Variants in NTM observed in about 807,000 individuals in gnomAD.
NTM encodes neurotrimin, also known as IgLON family member 2.
In NTM, 13 loss-of-function variants were observed where a neutral mutation model predicts 42.1. The ratio of observed to expected loss-of-function variants is 0.31; its 90% confidence interval spans 0.20 to 0.49. NTM has a LOEUF of 0.49. Ranked by LOEUF, NTM falls within the 20% of genes least tolerant of loss-of-function variation. The pLI is 0.99. For synonymous variants in NTM, 187 were observed against 179.2 expected (o/e 1.04, Z -0.35); for missense variants, 373 against 452.8 (o/e 0.82, Z 1.60).
intron 1 of NTM, among the ~76,000 whole-genome samples, chr11:131,655,291 C>T (rs548210863): frequency 3.5e-4 from 54 of 152,214 alleles, no homozygotes; most frequent in African/African-American, 1.2e-3. Context: ...AAAACAGAGG[C>T]TCCCATCCTT....
intron 3 of NTM, among the ~76,000 whole-genome samples, chr11:132,164,016 C>A (rs542172667): frequency 4.6e-5 from 7 of 152,120 alleles, no homozygotes; most frequent in African/African-American, 1.7e-4. Context: ...AAGGTCATGC[C>A]GCTGGTTAAG....
At chr11:131,884,247 T>C (rs1365637239) in intron 1 of NTM, among the ~76,000 whole-genome samples, 1 of 151,748 alleles carries the variant, frequency 6.6e-6, no homozygotes, top group Non-Finnish European at 1.5e-5. Context: ...CTATCTCTAC[T>C]AAAAATACAA....
At chr11:132,050,182 G>T (rs1208714015) in intron 2 of NTM, among the ~76,000 whole-genome samples, 3 of 152,156 alleles carry the variant, frequency 2.0e-5, no homozygotes, top group Non-Finnish European at 4.4e-5. Flanking sequence ...TAGGAGGGAT[G>T]AGCTTCTCTT....
chr11:132,264,510 A>C (rs1169659377), intron 4 of NTM, among the ~76,000 whole-genome samples: 1 of 152,178 alleles, frequency 6.6e-6, no homozygotes, highest in Non-Finnish European at 1.5e-5. Context: ...TTAGATTTGC[A>C]TGTAATAAAA....
chr11:131,689,937 A>G (rs1005921852), intron 1 of NTM, among the ~76,000 whole-genome samples: 8 of 152,320 alleles, frequency 5.3e-5, no homozygotes, highest in African/African-American at 1.4e-4. Context: ...CCTCGTCCAC[A>G]TATGATGAAA....
In NTM at chr11:132,294,595, A is replaced by C. The variant is rs369495265; in HGVS notation, c.527-13094A>C. Among the ~76,000 whole-genome samples the C allele has an allele frequency of 1.1e-4, 17 of 152,284 alleles. No individual in the cohort carries two copies. In the South Asian group the frequency reaches 3.5e-3, roughly 32 times the overall value. ...GTCTAGAGGAATGGGAATTAATGCAACTTACATCGAGCAGTTGAGGACAGG... is the reference window on the plus strand; with the variant it reads ...GTCTAGAGGAATGGGAATTAATGCACCTTACATCGAGCAGTTGAGGACAGG... On this transcript the variant is annotated intron_variant, in intron 4 of 8. Transcript: ENST00000683400.
At chr11:132,332,763 G>A (rs1371496209) in intron 8 of NTM, 1 of 152,218 alleles carries the variant, frequency 6.6e-6, no homozygotes, top group Non-Finnish European at 1.5e-5. Flanking sequence ...TCCCTTACAT[G>A]GTAACTACGC....
intron 3 of NTM, among the ~76,000 whole-genome samples, chr11:132,206,687 G>A (rs932822988): frequency 3.3e-5 from 5 of 152,146 alleles, no homozygotes; most frequent in African/African-American, 1.2e-4. Flanking sequence ...TCTTCAGTTT[G>A]TGGATTTCTG....
At chr11:132,285,397 A>G (rs2094188947) in intron 4 of NTM, among the ~76,000 whole-genome samples, 1 of 152,106 alleles carries the variant, frequency 6.6e-6, no homozygotes, top group Non-Finnish European at 1.5e-5. Flanking sequence ...CACATCTTGA[A>G]GAAGGAGGAA....
chr11:131,506,074 G>A (rs1032412276), intron 1 of NTM, among the ~76,000 whole-genome samples: 10 of 152,100 alleles, frequency 6.6e-5, no homozygotes, highest in African/African-American at 2.2e-4. Flanking sequence ...GGGGGAGAGA[G>A]AAGAGGATGT....
At chr11:131,658,534 T>C (rs2067507968) in intron 1 of NTM, among the ~76,000 whole-genome samples, 1 of 152,136 alleles carries the variant, frequency 6.6e-6, no homozygotes, top group Admixed American at 6.6e-5. Flanking sequence ...TCAAGAGTAA[T>C]AGAGGATGCA....
chr11:131,962,578 T>C (rs1050437699), intron 2 of NTM, among the ~76,000 whole-genome samples: 5 of 152,208 alleles, frequency 3.3e-5, no homozygotes, highest in African/African-American at 9.6e-5. Context: ...GGCATCTGGA[T>C]CTTGGACTTC....
intron 1 of NTM, among the ~76,000 whole-genome samples, chr11:131,807,616 C>T (rs368915157): frequency 7.9e-5 from 12 of 152,066 alleles, no homozygotes; most frequent in African/African-American, 1.7e-4. Context: ...AAGGGATGCC[C>T]GTCTCATAGA....
At chr11:131,522,652 G>T (rs78741290) in intron 1 of NTM, among the ~76,000 whole-genome samples, 2,117 of 152,330 alleles carry the variant, frequency 0.014, 47 homozygotes, top group African/African-American at 0.048. Flanking sequence ...GAAGAACTGG[G>T]ATTATTTAAC....
At chr11:131,774,172 G>C (rs2086594904) in intron 1 of NTM, 1 of 958,486 alleles carries the variant, frequency 1.0e-6, no homozygotes, top group African/African-American at 1.8e-5. Flanking sequence ...AGCTCTAAGA[G>C]ATTTTCTTTA....
intron 1 of NTM, among the ~76,000 whole-genome samples, chr11:131,852,962 C>T (rs1565631216): frequency 6.8e-6 from 1 of 147,080 alleles, no homozygotes; most frequent in African/African-American, 2.7e-5. Context: ...ATCCACTCAT[C>T]CATCCACCCA....
chr11:131,382,023 A>T (rs1942742693), intron 1 of NTM, among the ~76,000 whole-genome samples: 1 of 152,338 alleles, frequency 6.6e-6, no homozygotes. Context: ...TGCCTCCTCA[A>T]TATCAATTCT....
intron 2 of NTM, among the ~76,000 whole-genome samples, chr11:131,988,418 G>A (rs888352410): frequency 1.3e-5 from 2 of 152,190 alleles, no homozygotes; most frequent in Non-Finnish European, 2.9e-5. Context: ...GGTCTGATCT[G>A]GCATCCTGGG....
At chr11:131,486,154 T>C (rs1206557047) in intron 1 of NTM, among the ~76,000 whole-genome samples, 1 of 152,130 alleles carries the variant, frequency 6.6e-6, no homozygotes, top group Non-Finnish European at 1.5e-5. Context: ...TTGATGATGA[T>C]GATAATGATA....
Sources: gnomAD v4.1 joint callset for allele counts (sites outside exome capture counted in the v4.1 genomes callset) on GRCh38, gnomAD v4.1.1 for gene constraint, MANE v1.5 for transcripts, NCBI Gene and HGNC (gene_info 2026-07-23, HGNC 2026-07-21) for gene names.